LRRC3B: variants seen among roughly 807,000 people sequenced by gnomAD.
LRRC3B encodes the protein leucine rich repeat containing 3B.
Under a neutral mutation model 12.8 loss-of-function variants are expected in LRRC3B, and 2 were observed. That is an observed-to-expected ratio of 0.16 (90% confidence interval 0.06 to 0.49). The LOEUF is 0.49. Among genes scored for constraint, LRRC3B ranks in the 20% least tolerant of loss-of-function variants. The probability of loss-of-function intolerance (pLI) is 0.96; values close to 1 mark genes in which losing one functional copy is unlikely to be tolerated. For synonymous variants in LRRC3B, 132 were observed against 122.0 expected (o/e 1.08, Z -0.54); for missense variants, 189 against 319.4 (o/e 0.59, Z 3.11).
chr3:26,701,388 C>A (rs1041787791), intron 1 of LRRC3B: 1 of 152,140 alleles, frequency 6.6e-6, no homozygotes, highest in Non-Finnish European at 1.5e-5. Flanking sequence ...CATACCCTCC[C>A]CCCATGTGGC....
At chr3:26,671,967 A>C (rs937545337) in intron 1 of LRRC3B, among the ~76,000 whole-genome samples, 21 of 152,184 alleles carry the variant, frequency 1.4e-4, no homozygotes, top group Admixed American at 1.3e-4. Context: ...TTGAAAATGG[A>C]AACTCTAGTA....
intron 1 of LRRC3B, among the ~76,000 whole-genome samples, chr3:26,648,316 C>T (rs919386781): frequency 1.3e-5 from 2 of 151,976 alleles, no homozygotes; most frequent in Non-Finnish European, 2.9e-5. Context: ...AATCAGACAG[C>T]GATTGGCACT....
In LRRC3B at chr3:26,639,178, C is replaced by A. The variant is rs576148865; in HGVS notation, c.-161+15941C>A. 2.0e-5 allele frequency among the ~76,000 whole-genome samples: 3 copies of A among 152,096 alleles called. No homozygotes were observed. In the East Asian group the frequency reaches 5.8e-4, roughly 29 times the overall value. On this transcript the variant is annotated intron_variant, in intron 1 of 1. Transcript: ENST00000396641. The stretch of plus-strand genomic sequence containing the variant: ...AATTTAAAATTTTTTTCAGTAGCTA[C>A]ATTAAACATGTAAAAAGAAAAAGGT...
intron 1 of LRRC3B, among the ~76,000 whole-genome samples, chr3:26,693,058 C>T (rs1451383123): frequency 2.0e-5 from 3 of 152,038 alleles, no homozygotes; most frequent in African/African-American, 7.2e-5. Context: ...AGGCCGGGCG[C>T]GGTGGCTCAC....
At chr3:26,648,845 A>G (rs2125413567) in intron 1 of LRRC3B, among the ~76,000 whole-genome samples, 1 of 152,364 alleles carries the variant, frequency 6.6e-6, no homozygotes, top group East Asian at 1.9e-4. Context: ...CCTTAACATC[A>G]GCAAATGATC....
intron 1 of LRRC3B, among the ~76,000 whole-genome samples, chr3:26,696,592 A>T (rs990803581): frequency 3.9e-5 from 6 of 152,196 alleles, no homozygotes; most frequent in Non-Finnish European, 8.8e-5. Context: ...GTCCCAGCAC[A>T]GTTGTCACTA....
At chr3:26,676,883 C>A (rs1242751484) in intron 1 of LRRC3B, among the ~76,000 whole-genome samples, 1 of 152,200 alleles carries the variant, frequency 6.6e-6, no homozygotes, top group Non-Finnish European at 1.5e-5. Flanking sequence ...GAACACTGAT[C>A]TGGCAGTGTG....
At chr3:26,639,729 T>A (rs1211924651) in intron 1 of LRRC3B, among the ~76,000 whole-genome samples, 1 of 152,182 alleles carries the variant, frequency 6.6e-6, no homozygotes, top group Non-Finnish European at 1.5e-5. Flanking sequence ...CTGGAAATGT[T>A]AGAGTCCTGC....
chr3:26,667,160 A>G (rs1225826910), intron 1 of LRRC3B, among the ~76,000 whole-genome samples: 1 of 150,116 alleles, frequency 6.7e-6, no homozygotes, highest in African/African-American at 2.5e-5. Flanking sequence ...TGGTATACCC[A>G]ATCCCATGGC....
At chr3:26,637,348 AGTT>A (rs1240857944) in intron 1 of LRRC3B, among the ~76,000 whole-genome samples, 7 of 152,186 alleles carry the variant, frequency 4.6e-5, no homozygotes, top group Admixed American at 6.5e-5. Flanking sequence ...GTTACCATGA[AGTT>A]GTTGTTTGCT....
At chr3:26,696,431 G>A (rs1388348465) in intron 1 of LRRC3B, among the ~76,000 whole-genome samples, 2 of 152,168 alleles carry the variant, frequency 1.3e-5, no homozygotes, top group Admixed American at 6.5e-5. Flanking sequence ...TGTGCATGGA[G>A]GTTTGTTGTA....
rs540317209 is a variant in LRRC3B at position 26,636,602 on chromosome 3, C to A, written c.-161+13365C>A. Among the ~76,000 whole-genome samples, 6 of 151,902 alleles carry A rather than the reference C, an allele frequency of 3.9e-5. No homozygotes were observed. The South Asian group carries it at 1.2e-3, about 32-fold the overall frequency. ...CAATATTAAATTGTGGGCTAAATCTCATTTTTTAGTGTAAAAAAAAAACAG... is the reference window on the plus strand; with the variant it reads ...CAATATTAAATTGTGGGCTAAATCTAATTTTTTAGTGTAAAAAAAAAACAG... On this transcript the variant is annotated intron_variant, in intron 1 of 1. Transcript: ENST00000396641.
intron 1 of LRRC3B, among the ~76,000 whole-genome samples, chr3:26,672,640 A>G (rs1699772101): frequency 6.6e-6 from 1 of 152,208 alleles, no homozygotes; most frequent in Admixed American, 6.5e-5. Context: ...CAAATTTATT[A>G]TCCAGTTTCT....
intron 1 of LRRC3B, among the ~76,000 whole-genome samples, chr3:26,689,775 C>G (rs1700153451): frequency 6.6e-6 from 1 of 152,202 alleles, no homozygotes; most frequent in South Asian, 2.1e-4. Flanking sequence ...ATTCTGAGCA[C>G]AGACTATATT....
At chr3:26,635,311 A>G (rs564478626) in intron 1 of LRRC3B, among the ~76,000 whole-genome samples, 288 of 152,246 alleles carry the variant, frequency 1.9e-3, no homozygotes, top group Non-Finnish European at 1.4e-3. Flanking sequence ...CTACTGAACT[A>G]ATATTATAGA....
At chr3:26,706,238 A>G in intron 1 of LRRC3B, among the ~76,000 whole-genome samples, 1 of 152,024 alleles carries the variant, frequency 6.6e-6, no homozygotes, top group Admixed American at 6.6e-5. Flanking sequence ...CAAAGGCCCC[A>G]CCTCCAAATA....
intron 1 of LRRC3B, among the ~76,000 whole-genome samples, chr3:26,643,383 A>G (rs999176454): frequency 1.3e-5 from 2 of 152,140 alleles, no homozygotes; most frequent in African/African-American, 2.4e-5. Context: ...GTCTGTGTTT[A>G]TATGTGTGTG....
chr3:26,675,791 C>T (rs957118332), intron 1 of LRRC3B, among the ~76,000 whole-genome samples: 3 of 152,016 alleles, frequency 2.0e-5, no homozygotes, highest in Non-Finnish European at 4.4e-5. Context: ...TATGAAACGC[C>T]TTAATTGTTG....
intron 1 of LRRC3B, among the ~76,000 whole-genome samples, chr3:26,667,119 G>GAAAAAAAA (rs368094321): frequency 9.8e-6 from 1 of 101,536 alleles, no homozygotes; most frequent in African/African-American, 3.1e-5. Flanking sequence ...TCACTTTCAA[G>GAAAAAAAA]AAAAAAAAAA....
Sources: gnomAD v4.1 joint callset for allele counts (sites outside exome capture counted in the v4.1 genomes callset) on GRCh38, gnomAD v4.1.1 for gene constraint, MANE v1.5 for transcripts, NCBI Gene and HGNC (gene_info 2026-07-23, HGNC 2026-07-21) for gene names.